Variants in KIF16B observed in about 807,000 individuals in gnomAD.
KIF16B encodes the protein kinesin-like protein KIF16B.
In KIF16B, 98 loss-of-function variants were observed where a neutral mutation model predicts 156.3. The ratio of observed to expected loss-of-function variants is 0.63; its 90% confidence interval spans 0.53 to 0.74. The LOEUF is 0.74. Among genes scored for constraint, KIF16B ranks in the 30% least tolerant of loss-of-function variants. The probability of loss-of-function intolerance (pLI) is 0.00; values close to 1 mark genes in which losing one functional copy is unlikely to be tolerated. For missense variants in KIF16B, 1,421 were observed against 1,606.5 expected (o/e 0.88, Z 1.97); for synonymous variants, 564 against 583.7 (o/e 0.97, Z 0.49).
At position 16,504,565 on chromosome 20, in the gene KIF16B, A is replaced by C; in HGVS notation, c.1001-18T>G. 1.2e-6 allele frequency: 2 copies of C among 1,607,062 alleles called. No individual in the cohort carries two copies. The highest frequency in any genetic ancestry group is 1.7e-6 in the Non-Finnish European group (2 of 1,174,374). ...TGAAATGGCTGTGAAGAATGTATTC[A>C]AAAAATAATTTATCCAGCACTCCAT... is the stretch of plus-strand genomic sequence containing the variant. On this transcript the variant is annotated intron_variant, in intron 9 of 25. Coordinates refer to ENST00000354981, the MANE Select transcript of KIF16B (RefSeq NM_024704.5).
chr20:16,528,532 G>A (rs567191281), intron 1 of KIF16B, 92 bp from the exon 2 acceptor site: 21 of 944,844 alleles, frequency 2.2e-5, no homozygotes, highest in Admixed American at 3.9e-5. Context: ...TACTTTTTAC[G>A]TTAGGAGTTT....
At chr20:16,318,374 T>A (rs4814468) in intron 24 of KIF16B, among the ~76,000 whole-genome samples, 1 of 151,686 alleles carries the variant, frequency 6.6e-6, no homozygotes, top group Non-Finnish European at 1.5e-5. Context: ...CCCAAAGAAG[T>A]AAATAATACA....
At chr20:16,443,694 A>C (rs944370616) in intron 12 of KIF16B, among the ~76,000 whole-genome samples, 2 of 152,226 alleles carry the variant, frequency 1.3e-5, no homozygotes, top group Non-Finnish European at 2.9e-5. Context: ...TACCCAGTAA[A>C]TCAAAAGGGC....
At chr20:16,372,904 G>C (rs2064857428) in intron 20 of KIF16B, among the ~76,000 whole-genome samples, 1 of 152,154 alleles carries the variant, frequency 6.6e-6, no homozygotes, top group African/African-American at 2.4e-5. Flanking sequence ...CACTATGTTG[G>C]TCAGGCTGGT....
chr20:16,380,020 C>A lies in KIF16B; in HGVS notation c.1982G>T (p.Arg661Leu). Residue 661 changes from arginine to leucine, a missense_variant, in exon 19 of 26, where the codon CGC (arginine) becomes CTC (leucine). Physicochemically the swap from Arg to Leu is moderately radical, Grantham distance 102. Transcript: ENST00000354981. The part of the protein sequence containing the change: ...IRKQEESLKR[R>L]SFHIENKLKD... ...TAGCTTGTTCTCGATGTGGAAGCTG[C>A]GGCGTTTGAGGCTCTCCTCCTGCTT... 6.3e-7 allele frequency: 1 copy of A among 1,599,742 alleles called. No homozygotes were observed. Among genetic ancestry groups the A allele is most frequent in the South Asian group, 1.1e-5 (1 of 88,284 alleles).
At chr20:16,560,553 T>TTCCAAC (rs2071019161) in intron 1 of KIF16B, among the ~76,000 whole-genome samples, 1 of 152,220 alleles carries the variant, frequency 6.6e-6, no homozygotes, top group Non-Finnish European at 1.5e-5. Context: ...AAGCCTGTAA[T>TTCCAAC]TCCAACACTT....
At chr20:16,487,069 C>T (rs920199861) in intron 12 of KIF16B, among the ~76,000 whole-genome samples, 5 of 151,884 alleles carry the variant, frequency 3.3e-5, no homozygotes, top group Admixed American at 2.0e-4. Context: ...TTGGCTAACA[C>T]GGTGAAACCC....
At chr20:16,409,330 C>A (rs2065863347) in intron 15 of KIF16B, among the ~76,000 whole-genome samples, 1 of 151,642 alleles carries the variant, frequency 6.6e-6, no homozygotes, top group Admixed American at 6.6e-5. Flanking sequence ...GTGGCTATGG[C>A]AAAGGGAACA....
chr20:16,510,621 C>T (rs1371243466), intron 6 of KIF16B, among the ~76,000 whole-genome samples: 3 of 152,138 alleles, frequency 2.0e-5, no homozygotes, highest in Non-Finnish European at 4.4e-5. Flanking sequence ...TGCACTCCAG[C>T]CTGGGCGACA....
At chr20:16,282,838 T>A (rs1601484766) in intron 25 of KIF16B, among the ~76,000 whole-genome samples, 1 of 152,144 alleles carries the variant, frequency 6.6e-6, no homozygotes, top group Non-Finnish European at 1.5e-5. Flanking sequence ...TATGGTGAAG[T>A]CCTGCCAGGC....
chr20:16,406,458 T>C lies in KIF16B; in HGVS notation c.1613-2A>G, dbSNP rs2065789620. 1 of 1,613,074 alleles carries C rather than the reference T, an allele frequency of 6.2e-7. No individual in the cohort carries two copies. Among genetic ancestry groups the C allele is most frequent in the Non-Finnish European group, 8.5e-7 (1 of 1,179,288 alleles). ...TTCTTCCCAAGAGAATCACAGCACC[T>C]GAAAACACACAAAAACAGTAATGAA... On this transcript the variant is annotated splice_acceptor_variant, in intron 15 of 25. Coordinates refer to ENST00000354981, the MANE Select transcript of KIF16B (RefSeq NM_024704.5). LOFTEE classifies it high-confidence loss of function.
At chr20:16,438,078 A>G (rs1260865202) in intron 12 of KIF16B, among the ~76,000 whole-genome samples, 3 of 151,720 alleles carry the variant, frequency 2.0e-5, no homozygotes, top group African/African-American at 7.3e-5. Context: ...ACCTGGGAGG[A>G]GGACGTTGCA....
At chr20:16,466,942 G>A (rs1007920880) in intron 12 of KIF16B, among the ~76,000 whole-genome samples, 20 of 149,926 alleles carry the variant, frequency 1.3e-4, no homozygotes, top group African/African-American at 4.4e-4. Context: ...ACAAGGGGAG[G>A]AGGGGGCATG....
At chr20:16,565,131 A>G (rs1422137143) in intron 1 of KIF16B, among the ~76,000 whole-genome samples, 2 of 152,186 alleles carry the variant, frequency 1.3e-5, no homozygotes, top group Admixed American at 1.3e-4. Flanking sequence ...TCAACTACTT[A>G]TACAGCATTA....
At chr20:16,550,623 C>T (rs2070611379) in intron 1 of KIF16B, among the ~76,000 whole-genome samples, 1 of 150,684 alleles carries the variant, frequency 6.6e-6, no homozygotes, top group South Asian at 2.1e-4. Flanking sequence ...GCCTCAACCT[C>T]CCTAAGCTCA....
intron 24 of KIF16B, among the ~76,000 whole-genome samples, chr20:16,332,129 T>G (rs2063958532): frequency 6.6e-6 from 1 of 152,214 alleles, no homozygotes; most frequent in Non-Finnish European, 1.5e-5. Context: ...ATAATTCTTT[T>G]TTCCCATTTT....
chr20:16,393,055 CAATT>C (rs1259623046), intron 17 of KIF16B, among the ~76,000 whole-genome samples: 1 of 152,080 alleles, frequency 6.6e-6, no homozygotes, highest in East Asian at 1.9e-4. Context: ...AAAAAGCACA[CAATT>C]AAATGTTTAA....
intron 11 of KIF16B, among the ~76,000 whole-genome samples, chr20:16,497,033 G>C (rs565468285): frequency 1.6e-3 from 246 of 151,738 alleles, no homozygotes; most frequent in Admixed American, 5.3e-3. Context: ...AAAAAGTATA[G>C]AACCAGGTCA....
At chr20:16,545,958 C>T (rs746804053) in intron 1 of KIF16B, among the ~76,000 whole-genome samples, 4 of 151,266 alleles carry the variant, frequency 2.6e-5, no homozygotes, top group Admixed American at 6.6e-5. Context: ...CCTTTTGTAA[C>T]ACCACCAGCT....
Sources: gnomAD v4.1 joint callset for allele counts (sites outside exome capture counted in the v4.1 genomes callset) on GRCh38, gnomAD v4.1.1 for gene constraint, MANE v1.5 for transcripts, NCBI Gene and HGNC (gene_info 2026-07-23, HGNC 2026-07-21) for gene names.